Variants in COL22A1 observed in about 807,000 individuals in gnomAD.
COL22A1 encodes the protein collagen type XXII alpha 1 chain.
A neutral mutation model predicts 248.9 loss-of-function variants in COL22A1; 221 were observed. That is an observed-to-expected ratio of 0.89 (90% confidence interval 0.80 to 0.99). COL22A1 has a LOEUF of 0.99. Among genes scored for constraint, COL22A1 ranks in the 50% least tolerant of loss-of-function variants. COL22A1 has a pLI of 0.00. For missense variants in COL22A1, 2,240 were observed against 2,179.0 expected (o/e 1.03, Z -0.56); for synonymous variants, 891 against 793.4 (o/e 1.12, Z -2.07).
At chr8:138,716,321 C>G in intron 28 of COL22A1, 32 bp from the exon 29 acceptor site, 1 of 1,518,548 alleles carries the variant, frequency 6.6e-7, no homozygotes, top group South Asian at 1.2e-5. Flanking sequence ...AAGGCGTCAA[C>G]AGGAAGGCTC....
At chr8:138,703,375 C>G (rs759054136) in intron 30 of COL22A1, 28 bp from the exon 31 acceptor site, 1 of 1,605,486 alleles carries the variant, frequency 6.2e-7, no homozygotes, top group Non-Finnish European at 8.5e-7. Context: ...AAATCCATGA[C>G]CATTAATCTT....
chr8:138,692,305 T>A (rs1448304667), intron 35 of COL22A1, among the ~76,000 whole-genome samples: 3 of 7,986 alleles, frequency 3.8e-4, no homozygotes, highest in African/African-American at 1.2e-3. Flanking sequence ...TTTGCGGAGG[T>A]GTATGTGTGT....
chr8:138,676,370 T>A (rs1360400010), intron 41 of COL22A1, among the ~76,000 whole-genome samples, 188 bp downstream of exon 41: 1 of 105,348 alleles, frequency 9.5e-6, no homozygotes, highest in African/African-American at 3.2e-5. Context: ...CACTCCAGCC[T>A]GGGCAACACT....
intron 11 of COL22A1, among the ~76,000 whole-genome samples, chr8:138,800,357 C>A (rs1014120585): frequency 6.6e-6 from 1 of 152,214 alleles, no homozygotes; most frequent in Non-Finnish European, 1.5e-5. Context: ...AGAATTTAGG[C>A]TCTGGAACTC....
chr8:138,875,779 G>A (rs916263797), intron 3 of COL22A1, among the ~76,000 whole-genome samples: 1 of 152,154 alleles, frequency 6.6e-6, no homozygotes, highest in East Asian at 1.9e-4. Flanking sequence ...TCAGCATTCT[G>A]TGTGCGCTTA....
intron 56 of COL22A1, among the ~76,000 whole-genome samples, chr8:138,611,747 C>A (rs1380539068): frequency 6.6e-6 from 1 of 152,198 alleles, no homozygotes; most frequent in Admixed American, 6.5e-5. Context: ...GTCATTGTGG[C>A]CCCATCAGGG....
intron 51 of COL22A1, 126 bp downstream of exon 51, chr8:138,626,064 T>C (rs3924860): frequency 0.81 from 566,135 of 701,758 alleles, 233,847 homozygotes; most frequent in Non-Finnish European, 0.86. Context: ...GTTTCTAATT[T>C]TCTACAACAC....
At chr8:138,660,362 C>T (rs2130663320) in intron 44 of COL22A1, 74 bp downstream of exon 44, 2 of 1,329,656 alleles carry the variant, frequency 1.5e-6, no homozygotes, top group Non-Finnish European at 2.2e-6. Flanking sequence ...CTTGAACTTT[C>T]TGAGTTGCAT....
intron 31 of COL22A1, among the ~76,000 whole-genome samples, chr8:138,702,408 G>A (rs1828039266): frequency 6.6e-6 from 1 of 152,160 alleles, no homozygotes; most frequent in Non-Finnish European, 1.5e-5. Flanking sequence ...GAAAAGCACA[G>A]AGTAAGATTC....
intron 40 of COL22A1, among the ~76,000 whole-genome samples, chr8:138,677,032 C>T (rs991232228): frequency 1.3e-5 from 2 of 152,138 alleles, no homozygotes; most frequent in African/African-American, 4.8e-5. Flanking sequence ...CCCAAATCAC[C>T]CATAAATTAA....
rs769944178 is a variant in COL22A1 at position 138,883,166 on chromosome 8, C to T, written c.7G>A (p.Gly3Ser). 17 of 1,589,020 alleles carry T rather than the reference C, an allele frequency of 1.1e-5. No homozygotes were observed. The highest frequency in any genetic ancestry group is 5.3e-5 in the Admixed American group (3 of 56,508). Residue 3 changes from glycine to serine, a missense_variant, in exon 2 of 65, where the codon GGC becomes AGC. Transcript: ENST00000303045. ...CCAGCCACAGCGTTCCCTCGGAGGC[C>T]GGCCATGGCTCTCCTGTTCTTGGGG... Reference protein sequence around the residue: MAGLRGNAVAGLL... With the variant: MASLRGNAVAGLL...
intron 3 of COL22A1, among the ~76,000 whole-genome samples, chr8:138,874,867 A>G (rs1350198256): frequency 1.3e-5 from 2 of 152,164 alleles, no homozygotes; most frequent in East Asian, 3.9e-4. Context: ...GTATGCCTTC[A>G]TGACTAAGGT....
At chr8:138,787,531 G>C (rs2131564220) in intron 12 of COL22A1, among the ~76,000 whole-genome samples, 1 of 152,294 alleles carries the variant, frequency 6.6e-6, no homozygotes, top group Non-Finnish European at 1.5e-5. Context: ...CGTATACAAA[G>C]AAATTCAAAA....
At chr8:138,631,735 A>T (rs529850618) in intron 49 of COL22A1, among the ~76,000 whole-genome samples, 1 of 152,216 alleles carries the variant, frequency 6.6e-6, no homozygotes, top group East Asian at 1.9e-4. Context: ...TAGCTCAGAT[A>T]TCAGCTTCTC....
chr8:138,731,663 AGT>A lies in COL22A1; in HGVS notation c.2139+5859_2139+5860del, dbSNP rs1304051958. Among the ~76,000 whole-genome samples the A allele has an allele frequency of 1.8e-3, 275 of 150,138 alleles. 3 individuals carry two copies. Among genetic ancestry groups the A allele is most frequent in the Middle Eastern group, 0.01 (3 of 288 alleles). On this transcript the variant is annotated intron_variant, in intron 23 of 64. Coordinates refer to ENST00000303045, the MANE Select transcript of COL22A1 (RefSeq NM_152888.3). The stretch of plus-strand genomic sequence containing the variant: ...TACAGGGCCTGAGAGAGAGAGAGAG[AGT>A]GAGTTCTGGGGGTAACTGTGAATGT...
intron 4 of COL22A1, among the ~76,000 whole-genome samples, chr8:138,840,443 T>C (rs1053093814): frequency 2.6e-5 from 4 of 151,764 alleles, no homozygotes; most frequent in Admixed American, 6.6e-5. Context: ...TAATAGAGGG[T>C]CCCGGTCACC....
At chr8:138,618,323 G>A (rs1380222241) in intron 53 of COL22A1, among the ~76,000 whole-genome samples, 1 of 152,204 alleles carries the variant, frequency 6.6e-6, no homozygotes, top group South Asian at 2.1e-4. Context: ...CTTATTCTAT[G>A]TCAGCCAGAG....
At position 138,716,264 on chromosome 8, in the gene COL22A1, G is replaced by A; in HGVS notation, c.2426C>T (p.Pro809Leu). 1 of 1,592,648 alleles carries A rather than the reference G, an allele frequency of 6.3e-7. No homozygotes were observed. The highest frequency in any genetic ancestry group is 8.6e-7 in the Non-Finnish European group (1 of 1,167,834). Residue 809 changes from proline to leucine, a missense_variant, in exon 29 of 65, where the codon CCA (proline) becomes CTA (leucine). Transcript: ENST00000303045. Reference protein sequence around the residue: ...EKGEAGLPGAPGFPGVRGEKG... With the variant: ...EKGEAGLPGALGFPGVRGEKG... Reference sequence around the variant, plus strand: ...CTCTCCTCTCACACCTGGGAAGCCTGGAGCCCCTGGGAGGCCTGCTTCTCC... The same window carrying A: ...CTCTCCTCTCACACCTGGGAAGCCTAGAGCCCCTGGGAGGCCTGCTTCTCC...
chr8:138,635,386 A>T (rs1433680695), intron 48 of COL22A1, among the ~76,000 whole-genome samples: 1 of 152,240 alleles, frequency 6.6e-6, no homozygotes, highest in Non-Finnish European at 1.5e-5. Context: ...TGCAGGGTAC[A>T]TAAATGTTCA....
Sources: gnomAD v4.1 joint callset for allele counts (sites outside exome capture counted in the v4.1 genomes callset) on GRCh38, gnomAD v4.1.1 for gene constraint, MANE v1.5 for transcripts, NCBI Gene and HGNC (gene_info 2026-07-23, HGNC 2026-07-21) for gene names.